Variants in WWOX observed in about 807,000 individuals in gnomAD.
WWOX encodes WW domain-containing oxidoreductase.
WWOX carries 69 observed loss-of-function variants against 46.2 expected under a neutral mutation model. The observed-to-expected ratio is 1.49, with a 90% CI of 1.23 to 1.82. WWOX has a LOEUF of 1.82. Ranked by LOEUF, WWOX falls within the 40% of genes most tolerant of loss-of-function variation. WWOX has a pLI of 0.00. For missense variants in WWOX, 919 were observed against 542.6 expected, an observed-to-expected ratio of 1.69 and a Z score of -6.89; for synonymous variants, 359 against 202.6, an observed-to-expected ratio of 1.77 and a Z score of -6.56.
intron 8 of WWOX, among the ~76,000 whole-genome samples, chr16:79,164,203 G>A (rs1417443419): frequency 6.6e-6 from 1 of 152,078 alleles, no homozygotes; most frequent in African/African-American, 2.4e-5. Context: ...TGACGTGTTT[G>A]GGAGCTACAG....
chr16:78,621,650 G>C (rs1023252176), intron 8 of WWOX, among the ~76,000 whole-genome samples: 7 of 98,696 alleles, frequency 7.1e-5, no homozygotes, highest in South Asian at 6.3e-4. Context: ...TGTTGTCTAG[G>C]CTGGAGTGCA....
chr16:78,878,901 G>GAAAAAAA (rs111647544), intron 8 of WWOX, among the ~76,000 whole-genome samples: 9 of 86,908 alleles, frequency 1.0e-4, no homozygotes, highest in South Asian at 4.1e-4. Flanking sequence ...ACAAAAAAAT[G>GAAAAAAA]AAAAAAAAAA....
chr16:78,319,999 C>T (rs768046762), intron 5 of WWOX, among the ~76,000 whole-genome samples: 7 of 152,176 alleles, frequency 4.6e-5, no homozygotes, highest in Non-Finnish European at 1.0e-4. Flanking sequence ...CTCATTATAT[C>T]TTTTAACTTT....
intron 8 of WWOX, among the ~76,000 whole-genome samples, chr16:78,507,879 C>T (rs2085253732): frequency 6.6e-6 from 1 of 152,076 alleles, no homozygotes; most frequent in Non-Finnish European, 1.5e-5. Flanking sequence ...CGCATGTGGC[C>T]CAGGACAGCT....
At chr16:78,866,421 T>A (rs16948632) in intron 8 of WWOX, among the ~76,000 whole-genome samples, 2,721 of 147,460 alleles carry the variant, frequency 0.018, 89 homozygotes, top group African/African-American at 0.067. Context: ...TTGAGACTGA[T>A]CAAGACATCC....
At chr16:78,789,512 C>T (rs1258336333) in intron 8 of WWOX, among the ~76,000 whole-genome samples, 2 of 152,130 alleles carry the variant, frequency 1.3e-5, no homozygotes, top group African/African-American at 4.8e-5. Context: ...ATCTGTATGC[C>T]TGTCCTTATG....
chr16:78,429,088 C>A (rs974457012), intron 7 of WWOX, among the ~76,000 whole-genome samples: 1 of 152,134 alleles, frequency 6.6e-6, no homozygotes. Flanking sequence ...TGTATTGAGT[C>A]CTTACTATGT....
At chr16:78,326,576 C>CT (rs2080624722) in intron 5 of WWOX, among the ~76,000 whole-genome samples, 1 of 46,388 alleles carries the variant, frequency 2.2e-5, no homozygotes, top group Non-Finnish European at 3.9e-5. Context: ...GCCCTCCCCC[C>CT]GCCCCCCCCC....
At chr16:78,242,353 A>G (rs1423821632) in intron 5 of WWOX, among the ~76,000 whole-genome samples, 2 of 152,196 alleles carry the variant, frequency 1.3e-5, no homozygotes, top group Admixed American at 6.5e-5. Flanking sequence ...TTTTTGACCC[A>G]GTTACTTTAT....
chr16:79,010,139 T>A (rs2047274325), intron 8 of WWOX, among the ~76,000 whole-genome samples: 2 of 152,182 alleles, frequency 1.3e-5, no homozygotes, highest in African/African-American at 4.8e-5. Flanking sequence ...ACTTCTTGCT[T>A]TTTAAAAATA....
At chr16:78,727,788 C>G (rs749114896) in intron 8 of WWOX, among the ~76,000 whole-genome samples, 1 of 152,008 alleles carries the variant, frequency 6.6e-6, no homozygotes, top group Non-Finnish European at 1.5e-5. Flanking sequence ...GGTGGTGAGA[C>G]AGGGAATGGT....
chr16:78,992,415 C>G (rs992000825), intron 8 of WWOX, among the ~76,000 whole-genome samples: 7 of 152,068 alleles, frequency 4.6e-5, no homozygotes, highest in African/African-American at 1.4e-4. Context: ...TGCAGTGAAC[C>G]CAGATTGCGC....
At chr16:78,539,303 C>G (rs1049027765) in intron 8 of WWOX, among the ~76,000 whole-genome samples, 9 of 152,200 alleles carry the variant, frequency 5.9e-5, no homozygotes, top group South Asian at 4.1e-4. Context: ...GTAAAGGAGT[C>G]TTGTGAGGAT....
chr16:78,874,922 C>T (rs533171540), intron 8 of WWOX, among the ~76,000 whole-genome samples: 1 of 152,216 alleles, frequency 6.6e-6, no homozygotes, highest in South Asian at 2.1e-4. Context: ...AGACACAACC[C>T]TGTGAAAACA....
chr16:78,370,516 A>G (rs537819060), intron 5 of WWOX, among the ~76,000 whole-genome samples: 54 of 151,856 alleles, frequency 3.6e-4, no homozygotes, highest in African/African-American at 1.2e-3. Flanking sequence ...TGATTTTTTT[A>G]TGTCATTTTA....
intron 8 of WWOX, among the ~76,000 whole-genome samples, chr16:78,576,116 C>T (rs140305810): frequency 2.3e-4 from 35 of 151,948 alleles, no homozygotes; most frequent in African/African-American, 8.5e-4. Context: ...TCCCTCTTAC[C>T]GTTGCATAGA....
At chr16:78,281,944 A>C (rs9319521) in intron 5 of WWOX, among the ~76,000 whole-genome samples, 4 of 152,016 alleles carry the variant, frequency 2.6e-5, no homozygotes, top group Non-Finnish European at 5.9e-5. Flanking sequence ...AATTCTCTCC[A>C]AATGGGGCTG....
intron 8 of WWOX, among the ~76,000 whole-genome samples, chr16:78,686,599 C>T (rs1597445207): frequency 1.3e-5 from 2 of 152,162 alleles, no homozygotes; most frequent in African/African-American, 2.4e-5. Context: ...GGAGTGGGCC[C>T]AGCTATTTGT....
At chr16:78,308,636 C>T (rs1194830375) in intron 5 of WWOX, among the ~76,000 whole-genome samples, 1 of 152,168 alleles carries the variant, frequency 6.6e-6, no homozygotes, top group African/African-American at 2.4e-5. Context: ...ACATCCTTCC[C>T]TTTCCAGGTC....
Sources: allele counts gnomAD v4.1 joint callset (sites outside exome capture counted in the v4.1 genomes callset), GRCh38; gene constraint gnomAD v4.1.1; transcripts MANE v1.5; gene names NCBI Gene and HGNC (gene_info 2026-07-23, HGNC 2026-07-21).